The following SNF8 variants were observed in gnomAD, a reference collection of about 807,000 sequenced individuals.
SNF8 encodes the protein SNF8 subunit of ESCRT-II, also known as vacuolar-sorting protein SNF8.
In SNF8, 19 loss-of-function variants were observed where a neutral mutation model predicts 36.8. The observed-to-expected ratio is 0.52, with a 90% confidence interval of 0.36 to 0.76. SNF8 has a LOEUF of 0.76. Among genes scored for constraint, SNF8 ranks in the 30% least tolerant of loss-of-function variants. SNF8 has a pLI of 0.00. For synonymous variants in SNF8, 127 were observed against 127.4 expected (o/e 1.00, Z 0.02); for missense variants, 268 against 322.9 (o/e 0.83, Z 1.30).
intron 2 of SNF8, among the ~76,000 whole-genome samples, chr17:48,943,706 T>C (rs567596802): frequency 3.3e-5 from 5 of 152,216 alleles, no homozygotes; most frequent in South Asian, 2.1e-4. Flanking sequence ...GTAAAGAAAA[T>C]AGACAAATGC....
chr17:48,935,386 G>A (rs373355273), intron 5 of SNF8, among the ~76,000 whole-genome samples: 10 of 151,416 alleles, frequency 6.6e-5, no homozygotes, highest in South Asian at 2.1e-4. Flanking sequence ...GGTGGCGGGC[G>A]CCTGTAGTCC....
At position 48,936,212 on chromosome 17, in the gene SNF8, T is replaced by C; in HGVS notation, c.380A>G (p.Gln127Arg). 2 of 1,614,060 alleles carry C rather than the reference T, an allele frequency of 1.2e-6. No individual in the cohort carries two copies. The highest frequency in any genetic ancestry group is 1.7e-6 in the Non-Finnish European group (2 of 1,179,912). ...GAACTTGCCCCTTCCCTTCAACACC[T>C]GTTGATGTAGTTCCTCCAAAGTTAT... ...GLITLEELHQ[Q>R]VLKGRGKFAQ... is the part of the protein sequence containing the mutation. The change falls in exon 5 of 8, where the codon CAG becomes CGG. Residue 127 changes from glutamine to arginine, a missense_variant. Coordinates refer to ENST00000502492, the MANE Select transcript of SNF8 (RefSeq NM_007241.4).
chr17:48,937,656 A>G (rs922074421), intron 3 of SNF8, among the ~76,000 whole-genome samples: 8 of 151,596 alleles, frequency 5.3e-5, no homozygotes, highest in Admixed American at 5.3e-4. Flanking sequence ...AGCCGGGGAC[A>G]GTGGGTCACG....
At chr17:48,941,151 A>C in intron 2 of SNF8, 89 bp from the exon 3 acceptor site, 1 of 1,467,194 alleles carries the variant, frequency 6.8e-7, no homozygotes, top group Non-Finnish European at 9.4e-7. Context: ...TGGCAGGGCA[A>C]AGGCTGAAAT....
At chr17:48,940,632 C>T (rs1169101738) in intron 3 of SNF8, among the ~76,000 whole-genome samples, 1 of 151,936 alleles carries the variant, frequency 6.6e-6, no homozygotes, top group Non-Finnish European at 1.5e-5. Flanking sequence ...CTACTAAAAA[C>T]ACAAAAAATT....
chr17:48,943,651 TCC>T (rs2041062733), intron 2 of SNF8, among the ~76,000 whole-genome samples: 1 of 152,128 alleles, frequency 6.6e-6, no homozygotes, highest in African/African-American at 2.4e-5. Context: ...ATAATAGGGT[TCC>T]TTCCTTATGG....
chr17:48,944,753 G>C lies in SNF8; in HGVS notation c.-19C>G. ...GGTGCATCCCCACCCTGGGCCCGCGGGCCGCCCGGCTGCCGGGACCCCGGG... is the reference window on the plus strand; with the variant it reads ...GGTGCATCCCCACCCTGGGCCCGCGCGCCGCCCGGCTGCCGGGACCCCGGG... On this transcript the variant is annotated 5_prime_UTR_variant, in exon 1 of 8. Transcript: ENST00000502492. 1 of 1,592,550 alleles carries C rather than the reference G, an allele frequency of 6.3e-7. No individual in the cohort carries two copies. Among genetic ancestry groups the C allele is most frequent in the East Asian group, 2.3e-5 (1 of 42,580 alleles).
chr17:48,944,218 C>A, intron 1 of SNF8: 2 of 466,560 alleles, frequency 4.3e-6, no homozygotes, highest in South Asian at 2.2e-5. Flanking sequence ...AGGAGAACGG[C>A]GTGAACCCTG....
intron 5 of SNF8, 155 bp from the exon 6 acceptor site, chr17:48,933,501 G>A (rs1362986952): frequency 2.0e-5 from 16 of 801,294 alleles, no homozygotes; most frequent in African/African-American, 5.2e-5. Context: ...ACACTTTTGG[G>A]ATGCCCACAT....
intron 7 of SNF8, 43 bp downstream of exon 7, chr17:48,931,599 CT>C: frequency 6.5e-7 from 1 of 1,531,464 alleles, no homozygotes; most frequent in Non-Finnish European, 8.9e-7. Flanking sequence ...ATCCTCCCAA[CT>C]GGGGCCTGCC....
chr17:48,933,836 A>G (rs1598085219), intron 5 of SNF8, among the ~76,000 whole-genome samples: 1 of 152,262 alleles, frequency 6.6e-6, no homozygotes, highest in Non-Finnish European at 1.5e-5. Context: ...CACAGGAGTC[A>G]GGCTGTCTGC....
At position 48,930,413 on chromosome 17, in the gene SNF8, C is replaced by A; in HGVS notation, c.*62G>T. The A allele has an allele frequency of 5.0e-6, 7 of 1,395,794 alleles. No individual in the cohort carries two copies. Among genetic ancestry groups the A allele is most frequent in the Non-Finnish European group, 6.6e-6 (7 of 1,063,466 alleles). 86.5% of individuals were successfully genotyped at this position (1,395,794 alleles called of 1,614,324 possible). A position where few individuals can be genotyped will look rare whatever the true frequency, so the allele number is the denominator to read the frequency against. On this transcript the variant is annotated 3_prime_UTR_variant, in exon 8 of 8. Transcript: ENST00000502492. ...CTATTTTTTGTATAAACAAAATTGC[C>A]CAGGTTTATTTGCCACCTCCGCCTC... is the stretch of plus-strand genomic sequence containing the variant.
At chr17:48,931,255 T>C (rs909391451) in intron 7 of SNF8, among the ~76,000 whole-genome samples, 5 of 152,238 alleles carry the variant, frequency 3.3e-5, no homozygotes, top group African/African-American at 1.2e-4. Flanking sequence ...GAGTATATAC[T>C]ATGCAATATA....
rs781193939 is a variant in SNF8 at position 48,941,023 on chromosome 17, C to A, written c.145G>T (p.Glu49Ter). ...QLDMFKTNLE[E>*]FASKHKQEIR... is the part of the protein sequence containing the mutation. ...TCCTGCTTGTGTTTGCTGGCAAATT[C>A]CTCCAGGTTGGTCTTGAACATGTCC... The change falls in exon 3 of 8, where the codon GAA (glutamate) becomes TAA (stop). Residue 49 changes from glutamate to a stop codon, truncating the protein, a stop_gained. Coordinates refer to ENST00000502492, the MANE Select transcript of SNF8 (RefSeq NM_007241.4). LOFTEE classifies it high-confidence loss of function. The A allele has an allele frequency of 6.2e-7, 1 of 1,613,902 alleles. No homozygotes were observed. Among genetic ancestry groups the A allele is most frequent in the South Asian group, 1.1e-5 (1 of 91,056 alleles).
rs2041078974 is a variant in SNF8 at position 48,944,699 on chromosome 17, G to C, written c.36C>G (p.Ala12=). The C allele has an allele frequency of 1.2e-6, 2 of 1,612,234 alleles. No individual in the cohort carries two copies. The highest frequency in any genetic ancestry group is 1.3e-5 in the African/African-American group (1 of 74,580). ...HRRGVGAGAI[A]KKKLAEAKYK... ...TGCTCACCTCTGCAAGTTTCTTCTTGGCGATGGCGCCAGCTCCCACCCCGC... is the reference window on the plus strand; with the variant it reads ...TGCTCACCTCTGCAAGTTTCTTCTTCGCGATGGCGCCAGCTCCCACCCCGC... The change falls in exon 1 of 8, where the codon GCC becomes GCG. Residue 12 remains alanine (A), a synonymous_variant. Coordinates refer to ENST00000502492, the MANE Select transcript of SNF8 (RefSeq NM_007241.4).
intron 7 of SNF8, 41 bp downstream of exon 7, chr17:48,931,602 G>T: frequency 6.5e-7 from 1 of 1,540,920 alleles, no homozygotes; most frequent in Non-Finnish European, 8.9e-7. Flanking sequence ...CTCCCAACTG[G>T]GGCCTGCCTG....
rs180773692 is a variant in SNF8, at chr17:48,943,137, A to G, written c.105+788T>C. ...TTCCTCAGCTTCCCAAAGTGCTGGG[A>G]TTACAGGCATATGCCACAGCACCCG... On this transcript the variant is annotated intron_variant, in intron 2 of 7. Coordinates refer to ENST00000502492, the MANE Select transcript of SNF8 (RefSeq NM_007241.4). 8.0e-5 allele frequency among the ~76,000 whole-genome samples: 12 copies of G among 149,980 alleles called. No homozygotes were observed. The East Asian group carries it at 2.5e-3, about 31-fold the overall frequency.
At chr17:48,936,342 A>G in intron 4 of SNF8, 100 bp from the exon 5 acceptor site, 1 of 842,368 alleles carries the variant, frequency 1.2e-6, no homozygotes. Flanking sequence ...AGCAAATAAC[A>G]TTCTAGTTCC....
chr17:48,944,586 G>A (rs2041076695), intron 1 of SNF8, 95 bp downstream of exon 1: 1 of 1,350,854 alleles, frequency 7.4e-7, no homozygotes, highest in Non-Finnish European at 1.1e-6. Context: ...CTCAGATTCT[G>A]TTGGGAGGTG....
Sources: allele counts gnomAD v4.1 joint callset (sites outside exome capture counted in the v4.1 genomes callset), GRCh38; gene constraint gnomAD v4.1.1; transcripts MANE v1.5; gene names NCBI Gene and HGNC (gene_info 2026-07-23, HGNC 2026-07-21).